The following SLF2 variants were observed in gnomAD, a reference collection of about 807,000 sequenced individuals.
SLF2 encodes SMC5-SMC6 complex localization factor protein 2.
A neutral mutation model predicts 124.3 loss-of-function variants in SLF2; 68 were observed. That is an observed-to-expected ratio of 0.55 (90% CI 0.45 to 0.67). The LOEUF (loss-of-function observed/expected upper bound fraction) is 0.67. SLF2 is among the 30% of genes least tolerant of loss of function. The pLI, the probability that SLF2 is intolerant of heterozygous loss-of-function variation, is 0.00. For synonymous variants in SLF2, 480 were observed against 478.8 expected (o/e 1.00, Z -0.03); for missense variants, 1,246 against 1,373.7 (o/e 0.91, Z 1.47).
Position 100,962,177 on chromosome 10 carries a change from A to G in SLF2, c.*265A>G, listed in dbSNP as rs1274468321. 9.3e-6 allele frequency: 3 copies of G among 321,164 alleles called. No individual in the cohort carries two copies. In the South Asian group the frequency reaches 2.9e-4, roughly 31 times the overall value. 19.9% of individuals were successfully genotyped at this position (321,164 alleles called of 1,614,324 possible). The stretch of plus-strand genomic sequence containing the variant: ...AAGAGGGGAGGGGTAGAAGCAGAAT[A>G]ATAGTCATATGTCTAACCTGCCCCA... On this transcript the variant is annotated 3_prime_UTR_variant, in exon 20 of 20. Transcript: ENST00000238961.
intron 5 of SLF2, 80 bp from the exon 6 acceptor site, chr10:100,925,869 T>C: frequency 7.4e-7 from 1 of 1,342,300 alleles, no homozygotes; most frequent in East Asian, 2.3e-5. Flanking sequence ...AAATAGTCTT[T>C]CGTACCCTTA....
intron 17 of SLF2, among the ~76,000 whole-genome samples, chr10:100,952,793 G>A (rs1002135792): frequency 2.6e-5 from 4 of 151,222 alleles, no homozygotes; most frequent in African/African-American, 9.7e-5. Context: ...ACAAAAATTA[G>A]CCGGGCGTGA....
chr10:100,940,757 C>T (rs1160185786), intron 11 of SLF2, among the ~76,000 whole-genome samples: 7 of 131,526 alleles, frequency 5.3e-5, no homozygotes, highest in Admixed American at 4.7e-4. Flanking sequence ...CCATCTTCCC[C>T]CACTTCTCCC....
intron 10 of SLF2, among the ~76,000 whole-genome samples, chr10:100,938,279 A>G (rs1437794641): frequency 1.3e-5 from 2 of 152,198 alleles, no homozygotes; most frequent in African/African-American, 4.8e-5. Context: ...GAAGATGATA[A>G]AAAGTCTTCC....
Position 100,938,797 on chromosome 10 carries a change from A to G in SLF2, c.2654+61A>G. 2.9e-6 allele frequency: 4 copies of G among 1,395,234 alleles called. 1 individual carries two copies. The South Asian group carries it at 4.6e-5, about 16-fold the overall frequency. The allele number at this position is 1,395,234 out of a possible 1,614,324, so 86.4% of individuals were successfully genotyped here. A position where few individuals can be genotyped will look rare whatever the true frequency, so the allele number is the denominator to read the frequency against. ...CATTTCGTACGACTTATATATAATT[A>G]TAGCTAAAGTTTAATATTTATTTCT... On this transcript the variant is annotated intron_variant, in intron 11 of 19. Transcript: ENST00000238961.
intron 17 of SLF2, among the ~76,000 whole-genome samples, chr10:100,953,563 C>T (rs2133825300): frequency 6.6e-6 from 1 of 151,812 alleles, no homozygotes; most frequent in East Asian, 1.9e-4. Flanking sequence ...TCACAATTTA[C>T]TAATATATTA....
At chr10:100,945,100 G>C (rs766815280) in intron 12 of SLF2, among the ~76,000 whole-genome samples, 74 of 152,174 alleles carry the variant, frequency 4.9e-4, no homozygotes, top group Admixed American at 1.0e-3. Flanking sequence ...AATTGAATCA[G>C]TGATACAGAA....
chr10:100,943,741 A>G (rs1015166734), intron 11 of SLF2: 3 of 270,544 alleles, frequency 1.1e-5, no homozygotes, highest in Admixed American at 1.1e-4. Context: ...AAACTGATGC[A>G]TAATGATAGA....
intron 9 of SLF2, among the ~76,000 whole-genome samples, chr10:100,934,530 A>G (rs577174337): frequency 1.2e-4 from 18 of 152,312 alleles, no homozygotes; most frequent in Admixed American, 3.3e-4. Flanking sequence ...ATTGTGTTCA[A>G]AATGACACAA....
intron 9 of SLF2, among the ~76,000 whole-genome samples, chr10:100,934,471 C>CA (rs1461303924): frequency 6.6e-6 from 1 of 152,178 alleles, no homozygotes. Flanking sequence ...CTCCTAGTGG[C>CA]AGAGCTTAAC....
At chr10:100,922,776 ATT>A (rs201403883) in intron 4 of SLF2, among the ~76,000 whole-genome samples, 18 of 140,420 alleles carry the variant, frequency 1.3e-4, no homozygotes, top group South Asian at 2.3e-4. Context: ...GTTAAAGTGA[ATT>A]TTTTTTTTTT....
chr10:100,926,432 C>A (rs1483692199), intron 6 of SLF2: 3 of 647,710 alleles, frequency 4.6e-6, no homozygotes, highest in Non-Finnish European at 7.2e-6. Flanking sequence ...GGTGAAACCC[C>A]ATCTCTACAA....
rs748499080 is a variant in SLF2, at chr10:100,929,952, ACT to A, written c.2291_2292del (p.Ser764TrpfsTer14). On this transcript the variant is annotated frameshift_variant, in exon 8 of 20. Transcript: ENST00000238961. LOFTEE classifies it high-confidence loss of function. ...AATCAGTATACCTTGGATTTAAGAG[ACT>A]CTGGTTTTATTGGACAAAGTGCTGT... The A allele has an allele frequency of 1.9e-6, 3 of 1,561,208 alleles. No individual in the cohort carries two copies. The highest frequency in any genetic ancestry group is 1.2e-5 in the South Asian group (1 of 80,424).
At chr10:100,938,803 A>G (rs1849914181) in intron 11 of SLF2, 67 bp downstream of exon 11, 1 of 1,343,612 alleles carries the variant, frequency 7.4e-7, no homozygotes, top group Non-Finnish European at 1.0e-6. Flanking sequence ...AATTATAGCT[A>G]AAGTTTAATA....
chr10:100,924,007 A>C lies in SLF2; in HGVS notation c.1006A>C (p.Arg336=). The C allele has an allele frequency of 6.4e-7, 1 of 1,558,282 alleles. No individual in the cohort carries two copies. Among genetic ancestry groups the C allele is most frequent in the Non-Finnish European group, 8.6e-7 (1 of 1,159,584 alleles). ...GSKQNKFPEK[R]KRNSVDSDLK... ...TAAGCAGAATAAATTCCCTGAAAAAAGAAAAAGGAACTCTGTGGACTCAGA... is the reference window on the plus strand; with the variant it reads ...TAAGCAGAATAAATTCCCTGAAAAACGAAAAAGGAACTCTGTGGACTCAGA... The change falls in exon 5 of 20, where the codon AGA becomes CGA. Residue 336 remains arginine (R), a synonymous_variant. Transcript: ENST00000238961.
In SLF2 at chr10:100,924,852, A is replaced by G. The variant is rs1238201023; in HGVS notation, c.1851A>G (p.Glu617=). ...GTTACAACCTAGACAGTGATGAGGA[A>G]GAGGAAACATTAAAGTCACTGGAAG... ...SLGYNLDSDE[E]EETLKSLEEI... The change falls in exon 5 of 20, where the codon GAA becomes GAG. Residue 617 remains glutamate (E), a synonymous_variant. Coordinates refer to ENST00000238961, the MANE Select transcript of SLF2 (RefSeq NM_018121.4). 1 of 1,614,240 alleles carries G rather than the reference A, an allele frequency of 6.2e-7. No homozygotes were observed. The highest frequency in any genetic ancestry group is 8.5e-7 in the Non-Finnish European group (1 of 1,180,032).
At chr10:100,922,416 G>A (rs1331661098) in intron 4 of SLF2, among the ~76,000 whole-genome samples, 1 of 152,112 alleles carries the variant, frequency 6.6e-6, no homozygotes, top group Non-Finnish European at 1.5e-5. Flanking sequence ...TGTACTTTTC[G>A]CAGAGGCAGG....
chr10:100,940,744 T>G, intron 11 of SLF2, among the ~76,000 whole-genome samples: 1 of 117,536 alleles, frequency 8.5e-6, no homozygotes. Flanking sequence ...TTCCCTCCCT[T>G]CCCCATCTTC....
chr10:100,919,859 A>G (rs1443570916), intron 4 of SLF2, among the ~76,000 whole-genome samples: 2 of 152,220 alleles, frequency 1.3e-5, no homozygotes, highest in African/African-American at 4.8e-5. Flanking sequence ...GGAAAAGCCA[A>G]AGTACAGAGA....
Sources: allele counts gnomAD v4.1 joint callset (sites outside exome capture counted in the v4.1 genomes callset), GRCh38; gene constraint gnomAD v4.1.1; transcripts MANE v1.5; gene names NCBI Gene and HGNC (gene_info 2026-07-23, HGNC 2026-07-21).